UBE2R2: variants seen among roughly 807,000 people sequenced by gnomAD.
The protein encoded by UBE2R2 is ubiquitin-conjugating enzyme E2 R2.
In UBE2R2, 1 loss-of-function variant was observed where a neutral mutation model predicts 27.8. That is an observed-to-expected ratio of 0.04 (90% confidence interval 0.01 to 0.17). The LOEUF is 0.17. Among genes scored for constraint, UBE2R2 ranks in the 10% least tolerant of loss-of-function variants. The pLI is 1.00. For missense variants in UBE2R2, 100 were observed against 291.0 expected, an observed-to-expected ratio of 0.34 and a Z score of 4.78; for synonymous variants, 106 against 113.3, an observed-to-expected ratio of 0.94 and a Z score of 0.41.
At chr9:33,825,023 C>T (rs1179729312) in intron 1 of UBE2R2, among the ~76,000 whole-genome samples, 1 of 151,908 alleles carries the variant, frequency 6.6e-6, no homozygotes, top group African/African-American at 2.4e-5. Flanking sequence ...GTTGATTCTC[C>T]TTTTTTCACC....
intron 1 of UBE2R2, among the ~76,000 whole-genome samples, chr9:33,847,334 G>C (rs1277194495): frequency 1.3e-5 from 2 of 152,102 alleles, no homozygotes; most frequent in Non-Finnish European, 2.9e-5. Flanking sequence ...GGCCTCAAGT[G>C]ATCTCCTGCT....
At chr9:33,887,700 C>T (rs1386673995) in intron 2 of UBE2R2, among the ~76,000 whole-genome samples, 2 of 152,092 alleles carry the variant, frequency 1.3e-5, no homozygotes, top group Admixed American at 1.3e-4. Context: ...TTGAGACAGT[C>T]TCGCTCTGTA....
At chr9:33,861,211 C>G (rs1417296551) in intron 1 of UBE2R2, among the ~76,000 whole-genome samples, 2 of 150,534 alleles carry the variant, frequency 1.3e-5, no homozygotes, top group Non-Finnish European at 3.0e-5. Context: ...CCGCCCGCCT[C>G]GGCCTCCCAA....
At chr9:33,904,453 G>A (rs1308497745) in intron 3 of UBE2R2, among the ~76,000 whole-genome samples, 1 of 152,214 alleles carries the variant, frequency 6.6e-6, no homozygotes, top group Non-Finnish European at 1.5e-5. Context: ...ATCTGAAAGT[G>A]ATTCCATATT....
rs771807637 is a variant in UBE2R2 at position 33,900,206 on chromosome 9, G to A, written c.297G>A (p.Pro99=). The change falls in exon 3 of 5, where the codon CCG becomes CCA. Residue 99 remains proline, a synonymous_variant. Coordinates refer to ENST00000263228, the MANE Select transcript of UBE2R2 (RefSeq NM_017811.4). ...NGDVCISILH[P]PVDDPQSGEL... ...ATGTATGCATTTCGATTCTTCATCC[G>A]CCTGTAGATGACCCACAGAGTGGAG... 110 of 1,612,910 alleles carry A rather than the reference G, an allele frequency of 6.8e-5. No homozygotes were observed. Among genetic ancestry groups the A allele is most frequent in the East Asian group, 8.9e-5 (4 of 44,754 alleles).
chr9:33,815,647 G>A (rs1825737607), upstream of UBE2R2, among the ~76,000 whole-genome samples: 1 of 152,164 alleles, frequency 6.6e-6, no homozygotes, highest in Admixed American at 6.5e-5. Flanking sequence ...GGGAGACTGA[G>A]GTTAGAGGAT....
At chr9:33,905,592 G>A (rs1822336550) in intron 3 of UBE2R2, among the ~76,000 whole-genome samples, 1 of 152,214 alleles carries the variant, frequency 6.6e-6, no homozygotes, top group South Asian at 2.1e-4. Context: ...CTGCACAGAA[G>A]GAGGTGTTAT....
chr9:33,916,652 A>C (rs1822649188), intron 4 of UBE2R2, among the ~76,000 whole-genome samples: 1 of 152,248 alleles, frequency 6.6e-6, no homozygotes, highest in Non-Finnish European at 1.5e-5. Context: ...CAAACAACAA[A>C]GCATGACATT....
At chr9:33,900,114 T>C (rs983758091) in intron 2 of UBE2R2, 60 bp from the exon 3 acceptor site, 28 of 1,343,838 alleles carry the variant, frequency 2.1e-5, no homozygotes, top group Non-Finnish European at 2.9e-5. Flanking sequence ...TTAGAACCGA[T>C]GTCCCTTTTT....
chr9:33,911,089 GCAAGAC>G (rs1026978693), intron 3 of UBE2R2, among the ~76,000 whole-genome samples: 8 of 150,278 alleles, frequency 5.3e-5, no homozygotes, highest in African/African-American at 2.0e-4. Flanking sequence ...GGGTGACAGA[GCAAGAC>G]CCTGTCAAAA....
intron 1 of UBE2R2, among the ~76,000 whole-genome samples, chr9:33,822,658 C>CT (rs1240990253): frequency 1.3e-5 from 2 of 151,384 alleles, no homozygotes; most frequent in African/African-American, 4.9e-5. Flanking sequence ...CTCCTGGCTT[C>CT]AAACAATCCT....
At chr9:33,837,653 G>A (rs1386061630) in intron 1 of UBE2R2, among the ~76,000 whole-genome samples, 1 of 152,010 alleles carries the variant, frequency 6.6e-6, no homozygotes, top group Non-Finnish European at 1.5e-5. Context: ...TTGAACTCCT[G>A]AGCTCAATTG....
At chr9:33,894,711 A>G (rs1822062881) in intron 2 of UBE2R2, among the ~76,000 whole-genome samples, 1 of 152,246 alleles carries the variant, frequency 6.6e-6, no homozygotes, top group Admixed American at 6.5e-5. Flanking sequence ...ATCCTGAGTA[A>G]CAGCGCAACT....
intron 1 of UBE2R2, among the ~76,000 whole-genome samples, chr9:33,832,907 C>T (rs1249033994): frequency 2.6e-5 from 4 of 151,958 alleles, no homozygotes; most frequent in African/African-American, 9.7e-5. Context: ...AAGATGACCA[C>T]AGCAGGGCAG....
At chr9:33,889,150 T>A (rs183229137) in intron 2 of UBE2R2, among the ~76,000 whole-genome samples, 287 of 152,290 alleles carry the variant, frequency 1.9e-3, no homozygotes, top group African/African-American at 6.7e-3. Flanking sequence ...AAGTTCAAAC[T>A]GAGTTCAGTA....
intron 1 of UBE2R2, among the ~76,000 whole-genome samples, chr9:33,874,926 G>T (rs1001338964): frequency 6.6e-6 from 1 of 151,898 alleles, no homozygotes; most frequent in African/African-American, 2.4e-5. Flanking sequence ...CCTCAGCCTC[G>T]CAAGGTGCTG....
At chr9:33,886,046 TA>T (rs978349497) in intron 1 of UBE2R2, among the ~76,000 whole-genome samples, 2 of 151,926 alleles carry the variant, frequency 1.3e-5, no homozygotes, top group Non-Finnish European at 1.5e-5. Context: ...TTTTATGGTG[TA>T]AAAAAAATGT....
intron 1 of UBE2R2, among the ~76,000 whole-genome samples, chr9:33,845,671 CATT>C (rs915481066): frequency 4.6e-5 from 7 of 152,096 alleles, no homozygotes; most frequent in Non-Finnish European, 7.4e-5. Flanking sequence ...GTTTTATTTT[CATT>C]ATTTTATGAA....
intron 1 of UBE2R2, among the ~76,000 whole-genome samples, chr9:33,859,386 G>A (rs1383816276): frequency 6.6e-6 from 1 of 152,166 alleles, no homozygotes; most frequent in African/African-American, 2.4e-5. Flanking sequence ...CATTGCCCAA[G>A]TTTAGTTTGG....
Sources: allele counts gnomAD v4.1 joint callset (sites outside exome capture counted in the v4.1 genomes callset), GRCh38; gene constraint gnomAD v4.1.1; transcripts MANE v1.5; gene names NCBI Gene and HGNC (gene_info 2026-07-23, HGNC 2026-07-21).